The following GPC6 variants were observed in gnomAD, a reference collection of about 807,000 sequenced individuals.
The protein encoded by GPC6 is glypican 6.
A neutral mutation model predicts 55.2 loss-of-function variants in GPC6; 14 were observed. That is an observed-to-expected ratio of 0.25 (90% CI 0.17 to 0.40). The LOEUF (loss-of-function observed/expected upper bound fraction) is 0.40. Among genes scored for constraint, GPC6 ranks in the 10% least tolerant of loss-of-function variants. GPC6 has a pLI of 1.00. For synonymous variants in GPC6, 278 were observed against 259.6 expected, an observed-to-expected ratio of 1.07 and a Z score of -0.68; for missense variants, 641 against 708.5, an observed-to-expected ratio of 0.90 and a Z score of 1.08.
chr13:93,778,968 G>C (rs1885551781), intron 2 of GPC6, among the ~76,000 whole-genome samples: 1 of 152,178 alleles, frequency 6.6e-6, no homozygotes, highest in Non-Finnish European at 1.5e-5. Flanking sequence ...AGATCATTGA[G>C]ATAAACATTT....
intron 2 of GPC6, among the ~76,000 whole-genome samples, chr13:93,644,155 G>A (rs566798266): frequency 1.6e-4 from 25 of 152,022 alleles, no homozygotes; most frequent in Admixed American, 1.4e-3. Flanking sequence ...TTTGAAATTG[G>A]TATGTACTTT....
Position 94,382,101 on chromosome 13 carries a change from C to G in GPC6, c.1153-313C>G, listed in dbSNP as rs7991005. 0.44 allele frequency among the ~76,000 whole-genome samples: 67,167 copies of G among 152,018 alleles called. 15,084 individuals are homozygous for G. Among genetic ancestry groups the G allele is most frequent in the Middle Eastern group, 0.54 (159 of 294 alleles). ...ACTTGGGGTGTTCACAATAGGGACT[C>G]TCAGCAGGAGAGGGACCCGAAGCCA... On this transcript the variant is annotated intron_variant, in intron 6 of 8. Transcript: ENST00000377047.
intron 2 of GPC6, among the ~76,000 whole-genome samples, chr13:93,596,372 G>A (rs756542576): frequency 6.6e-6 from 1 of 152,026 alleles, no homozygotes; most frequent in Non-Finnish European, 1.5e-5. Context: ...AATTGGCCAG[G>A]CAGGAGGAAT....
rs112489983 is a variant in GPC6 at position 93,397,797 on chromosome 13, T to C, written c.161-147466T>C. Among the ~76,000 whole-genome samples the C allele has an allele frequency of 8.3e-3, 1,265 of 152,164 alleles. 27 individuals carry two copies. Among genetic ancestry groups the C allele is most frequent in the African/African-American group, 0.028 (1,155 of 41,508 alleles). On this transcript the variant is annotated intron_variant, in intron 1 of 8. Coordinates refer to ENST00000377047, the MANE Select transcript of GPC6 (RefSeq NM_005708.5). Reference sequence around the variant, plus strand: ...TTCTCTGCTCAAAAGCTATTTTTTTTTCCTAAAAAGTCCTACTCAACTTGG... The same window carrying C: ...TTCTCTGCTCAAAAGCTATTTTTTTCTCCTAAAAAGTCCTACTCAACTTGG...
chr13:93,715,506 A>G (rs1883221206), intron 2 of GPC6, among the ~76,000 whole-genome samples: 1 of 151,492 alleles, frequency 6.6e-6, no homozygotes, highest in Non-Finnish European at 1.5e-5. Context: ...GGAAAAGCTA[A>G]TGACTGAGCA....
In GPC6 at chr13:93,667,735, G is replaced by GTTTTTTTTTTTT. The variant is rs71126408; in HGVS notation, c.319+122316_319+122327dup. Among the ~76,000 whole-genome samples, 736 of 122,972 alleles carry GTTTTTTTTTTTT rather than the reference G, an allele frequency of 6.0e-3. 26 individuals carry two copies. Among genetic ancestry groups the GTTTTTTTTTTTT allele is most frequent in the African/African-American group, 0.024 (655 of 26,852 alleles). The allele number at this position is 122,972 out of a possible 152,430, so 80.7% of individuals were successfully genotyped here. On this transcript the variant is annotated intron_variant, in intron 2 of 8. Coordinates refer to ENST00000377047, the MANE Select transcript of GPC6 (RefSeq NM_005708.5). The stretch of plus-strand genomic sequence containing the variant: ...AAACCACCACACCCAGCCAGGACTT[G>GTTTTTTTTTTTT]TTTTTTTTTTTTTCTGTCAAATTTG...
At chr13:93,351,863 A>G (rs1435463053) in intron 1 of GPC6, among the ~76,000 whole-genome samples, 1 of 152,180 alleles carries the variant, frequency 6.6e-6, no homozygotes, top group Non-Finnish European at 1.5e-5. Flanking sequence ...TTTGAAAACC[A>G]TGACAATTAA....
chr13:93,444,521 C>T (rs1301438233), intron 1 of GPC6, among the ~76,000 whole-genome samples: 1 of 152,090 alleles, frequency 6.6e-6, no homozygotes, highest in African/African-American at 2.4e-5. Flanking sequence ...GCAGAAGAAT[C>T]GCTTGAACCT....
intron 2 of GPC6, among the ~76,000 whole-genome samples, chr13:93,810,687 C>T (rs969197386): frequency 6.6e-6 from 1 of 152,094 alleles, no homozygotes; most frequent in African/African-American, 2.4e-5. Flanking sequence ...AAAATTAATG[C>T]CCAAAGTCTA....
chr13:93,345,750 A>G (rs972991148), intron 1 of GPC6, among the ~76,000 whole-genome samples: 2 of 152,182 alleles, frequency 1.3e-5, no homozygotes, highest in Non-Finnish European at 2.9e-5. Context: ...CAAAACTTTT[A>G]AAGATGATGT....
intron 6 of GPC6, among the ~76,000 whole-genome samples, chr13:94,382,144 G>A (rs1880184681): frequency 6.6e-6 from 1 of 152,170 alleles, no homozygotes. Context: ...TGCTTCGTAA[G>A]TTTTTAATTC....
At chr13:94,136,436 C>T (rs935460525) in intron 4 of GPC6, among the ~76,000 whole-genome samples, 4 of 152,270 alleles carry the variant, frequency 2.6e-5, no homozygotes, top group East Asian at 1.9e-4. Context: ...TTTTGCTGGG[C>T]GCGGTGGCTC....
chr13:93,327,977 T>C (rs544198406), intron 1 of GPC6, among the ~76,000 whole-genome samples: 4 of 152,140 alleles, frequency 2.6e-5, no homozygotes, highest in Admixed American at 2.6e-4. Context: ...TTTGAGGAAA[T>C]ACATAAATAT....
chr13:93,909,828 T>A (rs1876868817), intron 3 of GPC6, among the ~76,000 whole-genome samples: 1 of 152,206 alleles, frequency 6.6e-6, no homozygotes, highest in Non-Finnish European at 1.5e-5. Flanking sequence ...TCCAAAAAGA[T>A]ATTTTTCGAT....
intron 1 of GPC6, among the ~76,000 whole-genome samples, chr13:93,377,687 T>C (rs1191134249): frequency 6.6e-6 from 1 of 152,250 alleles, no homozygotes; most frequent in African/African-American, 2.4e-5. Flanking sequence ...AATTCTTTCA[T>C]GTGTATCTCC....
In GPC6 at chr13:93,794,067, G is replaced by A. The variant is rs77790218; in HGVS notation, c.320-36087G>A. 4.3e-3 allele frequency among the ~76,000 whole-genome samples: 659 copies of A among 152,268 alleles called. 4 individuals are homozygous for A. Among genetic ancestry groups the A allele is most frequent in the African/African-American group, 0.015 (606 of 41,554 alleles). The stretch of plus-strand genomic sequence containing the variant: ...AATGAAAATCTTGAAAAGTCAGGAG[G>A]CAAGAGGGATTTAGCCCAAGACTAT... On this transcript the variant is annotated intron_variant, in intron 2 of 8. Coordinates refer to ENST00000377047, the MANE Select transcript of GPC6 (RefSeq NM_005708.5).
At chr13:93,266,090 C>T (rs534315032) in intron 1 of GPC6, among the ~76,000 whole-genome samples, 1 of 152,220 alleles carries the variant, frequency 6.6e-6, no homozygotes, top group Admixed American at 6.5e-5. Context: ...AATGAAGACA[C>T]CTTCAGAAAT....
intron 3 of GPC6, among the ~76,000 whole-genome samples, chr13:94,006,492 T>C (rs979567611): frequency 2.0e-5 from 3 of 152,340 alleles, no homozygotes; most frequent in South Asian, 2.1e-4. Flanking sequence ...GTGGTGTGTG[T>C]CATAGCCTGT....
At chr13:93,433,124 A>C (rs1022677731) in intron 1 of GPC6, among the ~76,000 whole-genome samples, 1 of 152,174 alleles carries the variant, frequency 6.6e-6, no homozygotes, top group Non-Finnish European at 1.5e-5. Flanking sequence ...TATGTGAGCT[A>C]TCAGTGTGGC....
Sources: allele counts gnomAD v4.1 joint callset (sites outside exome capture counted in the v4.1 genomes callset), GRCh38; gene constraint gnomAD v4.1.1; transcripts MANE v1.5; gene names NCBI Gene and HGNC (gene_info 2026-07-23, HGNC 2026-07-21).